The following KCTD1 variants were observed in gnomAD, a reference collection of about 807,000 sequenced individuals.
KCTD1 encodes the protein potassium channel tetramerization domain containing 1, also known as BTB/POZ domain-containing protein KCTD1.
KCTD1 carries 24 observed loss-of-function variants against 66.0 expected under a neutral mutation model. The ratio of observed to expected loss-of-function variants is 0.36; its 90% CI spans 0.26 to 0.51. KCTD1 has a LOEUF of 0.51. Ranked by LOEUF, KCTD1 falls within the 20% of genes least tolerant of loss-of-function variation. The probability of loss-of-function intolerance (pLI) is 0.95; values close to 1 mark genes in which losing one functional copy is unlikely to be tolerated. For synonymous variants in KCTD1, 511 were observed against 517.2 expected (o/e 0.99, Z 0.16); for missense variants, 943 against 1,205.2 (o/e 0.78, Z 3.22).
Position 26,467,504 on chromosome 18 carries a change from C to A in KCTD1, c.2134-7579G>T, listed in dbSNP as rs533847255. On this transcript the variant is annotated intron_variant, in intron 3 of 4. Coordinates refer to ENST00000580059, the MANE Select transcript of KCTD1 (RefSeq NM_001142730.3). ...CTGCATTCCAGCCTGGGTGACAGCG[C>A]AAGACCCTGTCTCAAAAAAAATTTT... 3.3e-5 allele frequency among the ~76,000 whole-genome samples: 5 copies of A among 152,124 alleles called. No homozygotes were observed. In the East Asian group the frequency reaches 7.7e-4, roughly 24 times the overall value.
upstream of KCTD1, among the ~76,000 whole-genome samples, chr18:26,645,098 G>A (rs1337261035): frequency 6.6e-6 from 1 of 152,180 alleles, no homozygotes; most frequent in African/African-American, 2.4e-5. Context: ...AAAGGGCTCT[G>A]TGGTCAAATA....
upstream of KCTD1, among the ~76,000 whole-genome samples, chr18:26,630,618 A>G (rs1475805703): frequency 3.3e-5 from 5 of 152,212 alleles, no homozygotes; most frequent in Non-Finnish European, 7.3e-5. Context: ...TATAGGCATG[A>G]GCCACTGTGC....
chr18:26,615,624 G>C (rs1987233411), intron 1 of KCTD1, among the ~76,000 whole-genome samples: 2 of 152,142 alleles, frequency 1.3e-5, no homozygotes, highest in Admixed American at 1.3e-4. Flanking sequence ...CTGGTCCCCT[G>C]AGAAATTTGA....
intron 1 of KCTD1, among the ~76,000 whole-genome samples, chr18:26,515,509 C>CTTT (rs11389627): frequency 4.1e-4 from 55 of 133,096 alleles, no homozygotes; most frequent in African/African-American, 5.4e-4. Context: ...CCTCTTTTTT[C>CTTT]TTTTTTTTTT....
intron 1 of KCTD1, chr18:26,543,604 T>C (rs1033235970): frequency 6.6e-6 from 1 of 152,242 alleles, no homozygotes; most frequent in Non-Finnish European, 1.5e-5. Flanking sequence ...CCTGCTGCAG[T>C]TTCCACTCTG....
chr18:26,654,250 T>C (rs1025971533), intron 1 of KCTD1, among the ~76,000 whole-genome samples: 5 of 152,174 alleles, frequency 3.3e-5, no homozygotes, highest in Admixed American at 2.0e-4. Flanking sequence ...TTTGGATAAA[T>C]AATTTGATGC....
At chr18:26,507,498 T>C (rs1598905001) in intron 1 of KCTD1, among the ~76,000 whole-genome samples, 1 of 152,130 alleles carries the variant, frequency 6.6e-6, no homozygotes, top group African/African-American at 2.4e-5. Flanking sequence ...TTTTTCCAAG[T>C]AGGTGGGACT....
chr18:26,583,148 C>A lies in KCTD1; in HGVS notation c.-16+45999G>T, dbSNP rs151140609. On this transcript the variant is annotated intron_variant, in intron 1 of 4. Coordinates refer to the KCTD1 transcript ENST00000317932. Reference sequence around the variant, plus strand: ...GTGGCTCACATCTGTAATTCCAGCACTTTGGGAGGCCAAAGCAGGTGGATC... The same window carrying A: ...GTGGCTCACATCTGTAATTCCAGCAATTTGGGAGGCCAAAGCAGGTGGATC... 6.6e-3 allele frequency among the ~76,000 whole-genome samples: 1,010 copies of A among 152,138 alleles called. 9 individuals are homozygous for A. Among genetic ancestry groups the A allele is most frequent in the Non-Finnish European group, 8.5e-3 (575 of 67,980 alleles).
At chr18:26,606,348 A>T (rs1053103685) in intron 1 of KCTD1, among the ~76,000 whole-genome samples, 3 of 152,144 alleles carry the variant, frequency 2.0e-5, no homozygotes, top group African/African-American at 7.2e-5. Flanking sequence ...TTTTAGGTTA[A>T]CTTTGGAATG....
At chr18:26,644,661 G>A (rs1399290940), upstream of KCTD1, among the ~76,000 whole-genome samples, 3 of 152,010 alleles carry the variant, frequency 2.0e-5, no homozygotes, top group Non-Finnish European at 4.4e-5. Context: ...GGGAGGCTGA[G>A]GCAGGAGAAT....
rs558316325 is a variant in KCTD1, at chr18:26,546,214, C to T, written c.1809+514G>A. Among the ~76,000 whole-genome samples, 21 of 138,592 alleles carry T rather than the reference C, an allele frequency of 1.5e-4. No homozygotes were observed. The South Asian group carries it at 4.6e-3, about 31-fold the overall frequency. 90.9% of individuals were successfully genotyped at this position (138,592 alleles called of 152,430 possible). A position where few individuals can be genotyped will look rare whatever the true frequency, so the allele number is the denominator to read the frequency against. On this transcript the variant is annotated intron_variant, in intron 1 of 4. Coordinates refer to ENST00000580059, the MANE Select transcript of KCTD1 (RefSeq NM_001142730.3). ...CAACTGCCTGGCTCTCCACTCTCCA[C>T]CCCTTTTCTTTAAAAAAAAAAAAAA...
In KCTD1 at chr18:26,548,204, G is replaced by C. The variant is rs780845876; in HGVS notation, c.333C>G (p.Ala111=). Residue 111 remains alanine, a synonymous_variant, in exon 1 of 5, where the codon GCC becomes GCG. Transcript: ENST00000580059. ...WDEPLEPEDS[A]GEELEPEPVH... is the part of the protein sequence containing the mutation. ...CCGGCTCGGGCTCCAGCTCCTCCCCGGCCGAGTCCTCGGGCTCCAGGGGCT... is the reference window on the plus strand; with the variant it reads ...CCGGCTCGGGCTCCAGCTCCTCCCCCGCCGAGTCCTCGGGCTCCAGGGGCT... 2 of 1,503,844 alleles carry C rather than the reference G, an allele frequency of 1.3e-6. No homozygotes were observed. The highest frequency in any genetic ancestry group is 1.8e-6 in the Non-Finnish European group (2 of 1,129,934). The allele number at this position is 1,503,844 out of a possible 1,614,324, so 93.2% of individuals were successfully genotyped here.
intron 1 of KCTD1, chr18:26,600,481 G>A: frequency 1.6e-6 from 1 of 631,600 alleles, no homozygotes; most frequent in South Asian, 1.8e-5. Context: ...CAGACAGAGT[G>A]AAGCTGGCTG....
intron 2 of KCTD1, among the ~76,000 whole-genome samples, chr18:26,483,951 C>G (rs565737243): frequency 6.6e-6 from 1 of 152,080 alleles, no homozygotes; most frequent in Non-Finnish European, 1.5e-5. Flanking sequence ...ATATATGAAA[C>G]CTTTAGAAAA....
chr18:26,619,605 T>C (rs1184893418), intron 1 of KCTD1, among the ~76,000 whole-genome samples: 2 of 152,216 alleles, frequency 1.3e-5, no homozygotes, highest in African/African-American at 4.8e-5. Context: ...TATTCAGGTC[T>C]CATTTTTCTA....
At chr18:26,561,863 C>T (rs1319365556) in intron 1 of KCTD1, among the ~76,000 whole-genome samples, 1 of 152,166 alleles carries the variant, frequency 6.6e-6, no homozygotes, top group Non-Finnish European at 1.5e-5. Flanking sequence ...TCAGCCCAGT[C>T]CCGTGCTGGC....
chr18:26,653,111 C>T (rs1779443269), intron 1 of KCTD1, among the ~76,000 whole-genome samples: 1 of 152,170 alleles, frequency 6.6e-6, no homozygotes, highest in Non-Finnish European at 1.5e-5. Flanking sequence ...GTCCCTCTGA[C>T]CACTTCCCAG....
chr18:26,550,466 C>T (rs1253466831), upstream of KCTD1, among the ~76,000 whole-genome samples: 1 of 152,034 alleles, frequency 6.6e-6, no homozygotes, highest in Non-Finnish European at 1.5e-5. The surrounding 1 kb of genome is among the most constrained non-coding windows in gnomAD (Gnocchi z 5.4). Flanking sequence ...CTGGACGCCA[C>T]CCGAGCTTCG....
intron 1 of KCTD1, among the ~76,000 whole-genome samples, chr18:26,508,140 C>T (rs1415756591): frequency 1.3e-5 from 2 of 152,140 alleles, no homozygotes; most frequent in Non-Finnish European, 2.9e-5. Flanking sequence ...CTAAAATATA[C>T]TCTGACATGA....
Sources: gnomAD v4.1 joint callset for allele counts (sites outside exome capture counted in the v4.1 genomes callset) on GRCh38, gnomAD v4.1.1 for gene constraint, Gnocchi (gnomAD v3.1) non-coding constraint, MANE v1.5 for transcripts, NCBI Gene and HGNC (gene_info 2026-07-23, HGNC 2026-07-21) for gene names.